Variants in CACNA2D1 observed in about 807,000 individuals in gnomAD.
The protein encoded by CACNA2D1 is voltage-dependent calcium channel subunit alpha-2/delta-1.
CACNA2D1 carries 53 observed loss-of-function variants against 171.5 expected under a neutral mutation model. The observed-to-expected ratio is 0.31, with a 90% CI of 0.25 to 0.39. The LOEUF (loss-of-function observed/expected upper bound fraction) is 0.39. Among genes scored for constraint, CACNA2D1 ranks in the 10% least tolerant of loss-of-function variants. CACNA2D1 has a pLI of 1.00. For missense variants in CACNA2D1, 903 were observed against 1,299.8 expected (o/e 0.69, Z 4.69); for synonymous variants, 442 against 443.1 (o/e 1.00, Z 0.03).
At chr7:81,982,991 T>C (rs896762214) in intron 23 of CACNA2D1, among the ~76,000 whole-genome samples, 6 of 152,180 alleles carry the variant, frequency 3.9e-5, no homozygotes, top group African/African-American at 1.4e-4. Flanking sequence ...ACCAATATTA[T>C]GATCCAGAAA....
chr7:82,223,092 G>T (rs1360365683), intron 3 of CACNA2D1, among the ~76,000 whole-genome samples: 1 of 151,814 alleles, frequency 6.6e-6, no homozygotes, highest in African/African-American at 2.4e-5. Context: ...TTTTAGTAGA[G>T]ACAGGGTTTC....
chr7:82,177,692 C>T (rs1261944857), intron 3 of CACNA2D1, among the ~76,000 whole-genome samples: 1 of 152,028 alleles, frequency 6.6e-6, no homozygotes, highest in Non-Finnish European at 1.5e-5. Context: ...TACAAACCTA[C>T]CTATTCCTTC....
rs778611264 is a variant in CACNA2D1, at chr7:82,064,311, C to T, written c.772G>A (p.Val258Met). The change falls in exon 9 of 39, where the codon GTG (valine) becomes ATG (methionine). Residue 258 changes from valine to methionine, a missense_variant. Physicochemically the swap from Val to Met is conservative, Grantham distance 21. Around this residue, in one of 5 missense-constraint regions of CACNA2D1, gnomAD observed 12 missense variants for 50.7 expected, o/e 0.24. Coordinates refer to ENST00000356860, the MANE Select transcript of CACNA2D1 (RefSeq NM_000722.4). ...TAGTATTTAACAACTCACACATCCACCAGAATAAGCATGTCTTTAGGAGAT... is the reference window on the plus strand; with the variant it reads ...TAGTATTTAACAACTCACACATCCATCAGAATAAGCATGTCTTTAGGAGAT... ...AASPKDMLIL[V>M]DVSGSVSGLT... 5.0e-6 allele frequency: 8 copies of T among 1,598,738 alleles called. No homozygotes were observed. The highest frequency in any genetic ancestry group is 6.9e-6 in the Non-Finnish European group (8 of 1,166,900).
At chr7:82,109,798 T>G (rs1033086684) in intron 6 of CACNA2D1, among the ~76,000 whole-genome samples, 1 of 152,138 alleles carries the variant, frequency 6.6e-6, no homozygotes, top group Non-Finnish European at 1.5e-5. Context: ...TTGCATTACT[T>G]ACTGCATGCA....
At chr7:82,054,924 G>A (rs984883320) in intron 10 of CACNA2D1, among the ~76,000 whole-genome samples, 17 of 152,140 alleles carry the variant, frequency 1.1e-4, no homozygotes, top group African/African-American at 4.1e-4. Flanking sequence ...GCTGGTTGTT[G>A]AATTTCACTG....
chr7:82,277,658 TAC>T (rs1374463722), intron 3 of CACNA2D1, among the ~76,000 whole-genome samples: 1 of 151,958 alleles, frequency 6.6e-6, no homozygotes, highest in South Asian at 2.1e-4. Context: ...TGTGTGAGGA[TAC>T]ACACACACAT....
chr7:82,437,237 G>A (rs1474319249), intron 1 of CACNA2D1, among the ~76,000 whole-genome samples: 1 of 152,054 alleles, frequency 6.6e-6, no homozygotes, highest in Non-Finnish European at 1.5e-5. Flanking sequence ...ATATGCATGT[G>A]TATGAAAGAG....
intron 18 of CACNA2D1, among the ~76,000 whole-genome samples, chr7:82,000,088 G>A (rs1250999769): frequency 3.3e-5 from 5 of 151,714 alleles, no homozygotes; most frequent in Admixed American, 6.6e-5. Flanking sequence ...ATGAAACCCC[G>A]TCTCTACTAA....
chr7:81,982,788 C>A, intron 23 of CACNA2D1, 161 bp from the exon 24 acceptor site: 1 of 686,966 alleles, frequency 1.5e-6, no homozygotes, highest in East Asian at 2.7e-5. Flanking sequence ...TAAATGTCCT[C>A]AATGCTTCCC....
chr7:82,386,759 T>G lies in CACNA2D1; in HGVS notation c.96-37110A>C, dbSNP rs557857524. Reference sequence around the variant, plus strand: ...AAAAATAAATAAATAAATAAATAAATAAATAAATAAATAAATAAATAAAAT... The same window carrying G: ...AAAAATAAATAAATAAATAAATAAAGAAATAAATAAATAAATAAATAAAAT... On this transcript the variant is annotated intron_variant, in intron 1 of 38. Coordinates refer to ENST00000356860, the MANE Select transcript of CACNA2D1 (RefSeq NM_000722.4). 7.8e-3 allele frequency among the ~76,000 whole-genome samples: 1,171 copies of G among 149,616 alleles called. 9 individuals are homozygous for G. Among genetic ancestry groups the G allele is most frequent in the African/African-American group, 0.027 (1,122 of 40,882 alleles).
intron 6 of CACNA2D1, among the ~76,000 whole-genome samples, chr7:82,086,988 A>G (rs1365467326): frequency 1.3e-5 from 2 of 152,164 alleles, no homozygotes; most frequent in African/African-American, 4.8e-5. Flanking sequence ...TTTTTCAGAC[A>G]AGCCATTACT....
chr7:82,383,133 C>T (rs917632709), intron 1 of CACNA2D1, among the ~76,000 whole-genome samples: 1 of 152,122 alleles, frequency 6.6e-6, no homozygotes, highest in Non-Finnish European at 1.5e-5. Context: ...CCGTTTAGAA[C>T]ACAGCCTTGA....
intron 3 of CACNA2D1, among the ~76,000 whole-genome samples, chr7:82,206,259 ATT>A (rs1356129086): frequency 1.3e-5 from 2 of 151,976 alleles, no homozygotes; most frequent in African/African-American, 4.8e-5. Flanking sequence ...ATATATATAT[ATT>A]TGTCGTTGTT....
intron 3 of CACNA2D1, among the ~76,000 whole-genome samples, chr7:82,220,681 C>CAAAT (rs1006913901): frequency 4.0e-5 from 6 of 151,654 alleles, no homozygotes; most frequent in Non-Finnish European, 7.4e-5. Context: ...AGTTTGAAAA[C>CAAAT]AAATAAATAT....
chr7:82,260,881 T>C (rs953623163), intron 3 of CACNA2D1, among the ~76,000 whole-genome samples: 4 of 152,128 alleles, frequency 2.6e-5, no homozygotes, highest in Non-Finnish European at 4.4e-5. Context: ...ATCTTTTATA[T>C]ATCCAACGGT....
chr7:82,388,581 G>C (rs1169013730), intron 1 of CACNA2D1, among the ~76,000 whole-genome samples: 1 of 152,162 alleles, frequency 6.6e-6, no homozygotes, highest in Non-Finnish European at 1.5e-5. Context: ...GGTGCTACAA[G>C]GAGCACCAAA....
At chr7:81,993,519 C>T (rs533111954) in intron 20 of CACNA2D1, among the ~76,000 whole-genome samples, 3 of 152,196 alleles carry the variant, frequency 2.0e-5, no homozygotes, top group African/African-American at 7.2e-5. Flanking sequence ...ATATCTCTGC[C>T]AAACCCCTTA....
intron 4 of CACNA2D1, among the ~76,000 whole-genome samples, chr7:82,167,411 G>C (rs907318692): frequency 6.6e-6 from 1 of 151,932 alleles, no homozygotes; most frequent in Admixed American, 6.6e-5. Context: ...TGCTGTATCT[G>C]TGCACTAAAG....
At chr7:82,373,419 C>T (rs1251024305) in intron 1 of CACNA2D1, among the ~76,000 whole-genome samples, 2 of 152,130 alleles carry the variant, frequency 1.3e-5, no homozygotes, top group African/African-American at 4.8e-5. Context: ...AACTAGCTCC[C>T]GTCTGTTCCT....
Sources: gnomAD v4.1 joint callset for allele counts (sites outside exome capture counted in the v4.1 genomes callset) on GRCh38, gnomAD v4.1.1 for gene constraint, gnomAD v4.1.1 regional missense constraint, MANE v1.5 for transcripts, NCBI Gene and HGNC (gene_info 2026-07-23, HGNC 2026-07-21) for gene names.